Variants in C11orf65 observed in about 807,000 individuals in gnomAD.
C11orf65 encodes chromosome 11 open reading frame 65.
In C11orf65, 38 loss-of-function variants were observed where a neutral mutation model predicts 35.3. The ratio of observed to expected loss-of-function variants is 1.08; its 90% CI spans 0.83 to 1.41. The LOEUF is 1.41. Ranked by LOEUF, C11orf65 falls within the 40% of genes most tolerant of loss-of-function variation. C11orf65 has a pLI of 0.00. For missense variants in C11orf65, 370 were observed against 367.1 expected, an observed-to-expected ratio of 1.01 and a Z score of -0.06; for synonymous variants, 105 against 114.4, an observed-to-expected ratio of 0.92 and a Z score of 0.53.
chr11:108,345,167 G>A (rs1449831476), intron 2 of C11orf65, among the ~76,000 whole-genome samples: 1 of 152,210 alleles, frequency 6.6e-6, no homozygotes, highest in Non-Finnish European at 1.5e-5. Context: ...TGATCCAAGT[G>A]AAGATGCTGA....
chr11:108,335,071 G>T lies in C11orf65; in HGVS notation c.299+149C>A, dbSNP rs587779870. 6.2e-7 allele frequency: 1 copy of T among 1,614,114 alleles called. No homozygotes were observed. The highest frequency in any genetic ancestry group is 8.5e-7 in the Non-Finnish European group (1 of 1,179,990). On this transcript the variant is annotated intron_variant, in intron 3 of 3. Transcript: ENST00000524755. ...AAATTTACCAAAAATAATAGATTGTGTAGGTTCCGATGGCAAGGAGAGGAG... is the reference window on the plus strand; with the variant it reads ...AAATTTACCAAAAATAATAGATTGTTTAGGTTCCGATGGCAAGGAGAGGAG...
chr11:108,466,521 C>T (rs1373575829), intron 1 of C11orf65, among the ~76,000 whole-genome samples: 1 of 152,156 alleles, frequency 6.6e-6, no homozygotes, highest in Non-Finnish European at 1.5e-5. Flanking sequence ...TTGCAGTGAA[C>T]TGAGATCACG....
At chr11:108,428,941 G>A (rs1297530828) in intron 3 of C11orf65, among the ~76,000 whole-genome samples, 1 of 152,182 alleles carries the variant, frequency 6.6e-6, no homozygotes, top group Non-Finnish European at 1.5e-5. Flanking sequence ...GAGCCCAGGA[G>A]TTTGAGACGA....
At chr11:108,343,631 G>T (rs773508353) in intron 2 of C11orf65, among the ~76,000 whole-genome samples, 3 of 152,056 alleles carry the variant, frequency 2.0e-5, no homozygotes, top group Non-Finnish European at 4.4e-5. Flanking sequence ...TTCAATTTGG[G>T]ATAAACTAAT....
Position 108,317,431 on chromosome 11 carries a change from A to G in C11orf65, c.641-8360T>C, listed in dbSNP as rs730881380. 1.2e-6 allele frequency: 2 copies of G among 1,612,488 alleles called. No homozygotes were observed. The highest frequency in any genetic ancestry group is 1.1e-5 in the South Asian group (1 of 91,062). Reference sequence around the variant, plus strand: ...TCCGTCTATTTAAAAGGATTGGATTATGAAAATAAAGACTGGTGTCCTGAA... The same window carrying G: ...TCCGTCTATTTAAAAGGATTGGATTGTGAAAATAAAGACTGGTGTCCTGAA... On this transcript the variant is annotated intron_variant, in intron 6 of 6. Coordinates refer to the C11orf65 transcript ENST00000525729.
chr11:108,336,746 C>A (rs2086900471), intron 2 of C11orf65, among the ~76,000 whole-genome samples: 2 of 152,218 alleles, frequency 1.3e-5, no homozygotes, highest in South Asian at 4.1e-4. Context: ...TGCCAAATTA[C>A]TCTCAATGGG....
At chr11:108,333,093 G>A (rs1027578411) in intron 3 of C11orf65, among the ~76,000 whole-genome samples, 4 of 152,064 alleles carry the variant, frequency 2.6e-5, no homozygotes, top group Non-Finnish European at 5.9e-5. Context: ...ACTGGTAATA[G>A]GTGACTACAC....
intron 3 of C11orf65, 79 bp from the exon 4 acceptor site, chr11:108,407,228 T>C: frequency 2.0e-6 from 2 of 990,384 alleles, no homozygotes; most frequent in Non-Finnish European, 2.9e-6. Flanking sequence ...CACTCTATTA[T>C]TTTAAATAAT....
intron 1 of C11orf65, among the ~76,000 whole-genome samples, chr11:108,463,520 G>T (rs532504698): frequency 1.5e-4 from 23 of 152,284 alleles, no homozygotes; most frequent in Admixed American, 3.9e-4. Context: ...GGGAAGACAG[G>T]TTAAGTCTTT....
At chr11:108,434,815 G>A (rs2093039183) in intron 2 of C11orf65, among the ~76,000 whole-genome samples, 1 of 152,142 alleles carries the variant, frequency 6.6e-6, no homozygotes, top group African/African-American at 2.4e-5. Flanking sequence ...TTTATTCTCT[G>A]TCATGGTATT....
chr11:108,438,576 A>C (rs985637410), intron 2 of C11orf65, among the ~76,000 whole-genome samples: 2 of 152,108 alleles, frequency 1.3e-5, no homozygotes, highest in Non-Finnish European at 2.9e-5. Context: ...AAAGATCCAA[A>C]TATAAGAGTT....
chr11:108,438,207 A>G (rs1465678203), intron 2 of C11orf65, among the ~76,000 whole-genome samples: 1 of 152,204 alleles, frequency 6.6e-6, no homozygotes, highest in Non-Finnish European at 1.5e-5. Context: ...CATGAAAAAT[A>G]ATGAAATTGG....
At chr11:108,351,633 G>A (rs2089209276) in intron 2 of C11orf65, among the ~76,000 whole-genome samples, 1 of 152,124 alleles carries the variant, frequency 6.6e-6, no homozygotes, top group Admixed American at 6.5e-5. Flanking sequence ...TGGCCTCTCT[G>A]TCCACAATAG....
At chr11:108,360,089 C>CA (rs2090526619) in intron 2 of C11orf65, among the ~76,000 whole-genome samples, 1 of 151,526 alleles carries the variant, frequency 6.6e-6, no homozygotes, top group Non-Finnish European at 1.5e-5. Context: ...ATCAAATAGA[C>CA]ACAATAAAAA....
intron 8 of C11orf65, among the ~76,000 whole-genome samples, chr11:108,385,681 CA>C (rs11286338): frequency 0.61 from 88,385 of 143,876 alleles, 26,439 homozygotes; most frequent in Middle Eastern, 0.76. Context: ...GACTCCGTCT[CA>C]AAAAAAAAAA....
chr11:108,466,764 CT>C (rs2093544449), intron 1 of C11orf65, among the ~76,000 whole-genome samples: 1 of 152,190 alleles, frequency 6.6e-6, no homozygotes, highest in Admixed American at 6.5e-5. Context: ...TATTTTTACG[CT>C]TCGTGGAAAA....
At chr11:108,310,085 T>A in intron 6 of C11orf65, 1 of 1,494,774 alleles carries the variant, frequency 6.7e-7, no homozygotes, top group Non-Finnish European at 9.2e-7. Flanking sequence ...TACCATTGTA[T>A]TCTATATCAA....
chr11:108,344,782 T>C (rs975209889), intron 2 of C11orf65, among the ~76,000 whole-genome samples: 5 of 152,042 alleles, frequency 3.3e-5, no homozygotes, highest in African/African-American at 9.7e-5. Context: ...GGCAGGAGGA[T>C]TGCTTGAGCC....
At chr11:108,467,880 A>C (rs2093557672), upstream of C11orf65, among the ~76,000 whole-genome samples, 1 of 152,138 alleles carries the variant, frequency 6.6e-6, no homozygotes, top group African/African-American at 2.4e-5. Context: ...GCTGGAGTGC[A>C]GTGGCGCGAT....
Sources: gnomAD v4.1 joint callset for allele counts (sites outside exome capture counted in the v4.1 genomes callset) on GRCh38, gnomAD v4.1.1 for gene constraint, MANE v1.5 for transcripts, NCBI Gene and HGNC (gene_info 2026-07-23, HGNC 2026-07-21) for gene names.